The following GPC6 variants were observed in gnomAD, a reference collection of about 807,000 sequenced individuals.
The protein encoded by GPC6 is glypican-6.
Under a neutral mutation model 55.2 loss-of-function variants are expected in GPC6, and 14 were observed. That is an observed-to-expected ratio of 0.25 (90% CI 0.17 to 0.40). GPC6 has a LOEUF of 0.40. GPC6 is among the 10% of genes least tolerant of loss of function. The pLI, the probability that GPC6 is intolerant of heterozygous loss-of-function variation, is 1.00. For missense variants in GPC6, 641 were observed against 708.5 expected (o/e 0.90, Z 1.08); for synonymous variants, 278 against 259.6 (o/e 1.07, Z -0.68).
rs1453006130 is a variant in GPC6 at position 94,307,149 on chromosome 13, T to G, written c.1152+1026T>G. Among the ~76,000 whole-genome samples the G allele has an allele frequency of 2.0e-5, 3 of 152,178 alleles. No homozygotes were observed. In the East Asian group the frequency reaches 5.8e-4, roughly 29 times the overall value. On this transcript the variant is annotated intron_variant, in intron 6 of 8. Transcript: ENST00000377047. ...ATCTCAGCATTTCTGTCTATAAAAA[T>G]CAAATGTGCTTACAACCTAAAGGCC...
intron 4 of GPC6, among the ~76,000 whole-genome samples, chr13:94,222,716 T>C (rs1369196009): frequency 6.6e-6 from 1 of 152,134 alleles, no homozygotes; most frequent in Non-Finnish European, 1.5e-5. Flanking sequence ...AAGAAGTATC[T>C]AACAGAGAAA....
intron 3 of GPC6, among the ~76,000 whole-genome samples, chr13:93,855,055 T>TATAA (rs1327101077): frequency 6.6e-6 from 1 of 151,668 alleles, no homozygotes; most frequent in Non-Finnish European, 1.5e-5. Flanking sequence ...GACCATAGTT[T>TATAA]ACATTAGGTT....
chr13:93,762,370 C>T (rs566113828), intron 2 of GPC6, among the ~76,000 whole-genome samples: 2 of 152,328 alleles, frequency 1.3e-5, no homozygotes, highest in South Asian at 4.1e-4. Flanking sequence ...CTATTGGAAG[C>T]ATAATGATCA....
intron 1 of GPC6, among the ~76,000 whole-genome samples, chr13:93,457,448 C>G (rs1326658527): frequency 6.6e-6 from 1 of 152,122 alleles, no homozygotes; most frequent in East Asian, 1.9e-4. Flanking sequence ...GTAGGTTATT[C>G]TGTGATAACA....
chr13:94,091,492 A>G (rs1312026300), intron 4 of GPC6, among the ~76,000 whole-genome samples: 1 of 152,194 alleles, frequency 6.6e-6, no homozygotes, highest in East Asian at 1.9e-4. Flanking sequence ...TATAACAAAG[A>G]TAATATGTTG....
chr13:93,662,865 C>G (rs992668478), intron 2 of GPC6, among the ~76,000 whole-genome samples: 6 of 151,790 alleles, frequency 4.0e-5, no homozygotes, highest in Non-Finnish European at 2.9e-5. Context: ...AAAACAACAA[C>G]AAAAAACAAA....
Position 94,259,532 on chromosome 13 carries a change from T to G in GPC6, c.878-26817T>G, listed in dbSNP as rs530451403. 1.4e-4 allele frequency among the ~76,000 whole-genome samples: 21 copies of G among 152,314 alleles called. No individual in the cohort carries two copies. The East Asian group carries it at 3.9e-3, about 28-fold the overall frequency. On this transcript the variant is annotated intron_variant, in intron 4 of 8. Coordinates refer to ENST00000377047, the MANE Select transcript of GPC6 (RefSeq NM_005708.5). ...ACTTTTCAAAAATATTTTAACGATT[T>G]TTTGGGTGTATGATTCAGTGGCATT...
chr13:93,507,583 A>AT (rs1206982024), intron 1 of GPC6, among the ~76,000 whole-genome samples: 1 of 152,234 alleles, frequency 6.6e-6, no homozygotes, highest in East Asian at 1.9e-4. Context: ...TATAGCCAGC[A>AT]AATATCTAAG....
intron 4 of GPC6, among the ~76,000 whole-genome samples, chr13:94,116,518 A>C (rs1299302388): frequency 6.6e-6 from 1 of 152,140 alleles, no homozygotes; most frequent in Non-Finnish European, 1.5e-5. Flanking sequence ...TTTTATGGTT[A>C]ATAAATATGA....
chr13:93,571,232 C>T (rs893652437), intron 2 of GPC6, among the ~76,000 whole-genome samples: 2 of 152,092 alleles, frequency 1.3e-5, no homozygotes, highest in Non-Finnish European at 1.5e-5. Flanking sequence ...GCTCTCAATG[C>T]GCAAACAGGC....
intron 4 of GPC6, among the ~76,000 whole-genome samples, chr13:94,104,792 A>G (rs1291862600): frequency 6.6e-6 from 1 of 152,138 alleles, no homozygotes; most frequent in Non-Finnish European, 1.5e-5. Context: ...GAGAACTACA[A>G]ACGGCTGCTC....
At chr13:93,732,174 G>C (rs938909913) in intron 2 of GPC6, among the ~76,000 whole-genome samples, 3 of 152,118 alleles carry the variant, frequency 2.0e-5, no homozygotes, top group African/African-American at 7.2e-5. Context: ...TTTCCAAAGT[G>C]ATGTCCACAT....
chr13:93,988,814 A>C (rs1881158666), intron 3 of GPC6, among the ~76,000 whole-genome samples: 1 of 152,206 alleles, frequency 6.6e-6, no homozygotes, highest in Non-Finnish European at 1.5e-5. Context: ...ACATGTATAC[A>C]ATGTGTTAGA....
At chr13:94,108,686 TA>T (rs1349079771) in intron 4 of GPC6, among the ~76,000 whole-genome samples, 1 of 151,524 alleles carries the variant, frequency 6.6e-6, no homozygotes, top group East Asian at 1.9e-4. Context: ...ACTAAAAATA[TA>T]AAAAATTAGC....
chr13:93,487,180 T>G (rs960706695), intron 1 of GPC6, among the ~76,000 whole-genome samples: 1 of 152,202 alleles, frequency 6.6e-6, no homozygotes, highest in Non-Finnish European at 1.5e-5. Flanking sequence ...AATATGAGTA[T>G]TGAAGGAGAT....
chr13:93,404,968 A>G (rs1424752965), intron 1 of GPC6, among the ~76,000 whole-genome samples: 1 of 152,204 alleles, frequency 6.6e-6, no homozygotes, highest in Non-Finnish European at 1.5e-5. Context: ...TAAACATGGG[A>G]ATTTCTTTAA....
chr13:93,507,215 C>T (rs1351419527), intron 1 of GPC6, among the ~76,000 whole-genome samples: 3 of 152,076 alleles, frequency 2.0e-5, no homozygotes, highest in Non-Finnish European at 4.4e-5. Context: ...GCAGCTCTGC[C>T]GTTATCTACC....
At chr13:93,609,361 C>T (rs1185946006) in intron 2 of GPC6, among the ~76,000 whole-genome samples, 1 of 152,160 alleles carries the variant, frequency 6.6e-6, no homozygotes, top group East Asian at 1.9e-4. Context: ...ATTACCGGCA[C>T]ACGCCACCAC....
intron 1 of GPC6, among the ~76,000 whole-genome samples, chr13:93,424,298 C>G (rs1000210205): frequency 3.9e-5 from 6 of 152,138 alleles, no homozygotes; most frequent in African/African-American, 9.7e-5. Context: ...CCCTCGTGCC[C>G]CAGCATCGAC....
Sources: gnomAD v4.1 joint callset for allele counts (sites outside exome capture counted in the v4.1 genomes callset) on GRCh38, gnomAD v4.1.1 for gene constraint, MANE v1.5 for transcripts, NCBI Gene and HGNC (gene_info 2026-07-23, HGNC 2026-07-21) for gene names.